The following C16orf78 variants were observed in gnomAD, a reference collection of about 807,000 sequenced individuals.
The protein encoded by C16orf78 is uncharacterized protein C16orf78.
In C16orf78, 19 loss-of-function variants were observed where a neutral mutation model predicts 27.3. The observed-to-expected ratio is 0.70, with a 90% CI of 0.49 to 1.02. C16orf78 has a LOEUF of 1.02. C16orf78 is among the 50% of genes least tolerant of loss of function. The pLI is 0.00. For synonymous variants in C16orf78, 130 were observed against 116.1 expected, an observed-to-expected ratio of 1.12 and a Z score of -0.77; for missense variants, 339 against 337.0, an observed-to-expected ratio of 1.01 and a Z score of -0.05.
chr16:49,388,003 G>T (rs1965369992), intron 3 of C16orf78, among the ~76,000 whole-genome samples: 1 of 152,066 alleles, frequency 6.6e-6, no homozygotes, highest in Admixed American at 6.5e-5. Context: ...CAAAAAACCA[G>T]GCCAGCTGTG....
intron 3 of C16orf78, among the ~76,000 whole-genome samples, chr16:49,390,352 C>T (rs1361774734): frequency 6.6e-6 from 1 of 152,136 alleles, no homozygotes; most frequent in Non-Finnish European, 1.5e-5. Context: ...CTCTTTCAGG[C>T]ACCCTGATTA....
At chr16:49,390,487 A>G (rs888249160) in intron 3 of C16orf78, among the ~76,000 whole-genome samples, 1 of 152,102 alleles carries the variant, frequency 6.6e-6, no homozygotes, top group Non-Finnish European at 1.5e-5. Flanking sequence ...TTCTTCTCCA[A>G]TACCTAATCT....
chr16:49,375,007 G>T (rs1965196302), intron 1 of C16orf78, among the ~76,000 whole-genome samples: 1 of 152,182 alleles, frequency 6.6e-6, no homozygotes, highest in South Asian at 2.1e-4. Context: ...GTTTACTGTG[G>T]TCAAGGCCCT....
At position 49,399,298 on chromosome 16, in the gene C16orf78, C is replaced by G; in HGVS notation, c.*20C>G. 6.2e-7 allele frequency: 1 copy of G among 1,612,540 alleles called. No homozygotes were observed. The highest frequency in any genetic ancestry group is 8.5e-7 in the Non-Finnish European group (1 of 1,179,302). ...CTCTAAATAGCTCCTCTCGCCACCA[C>G]CTTCAGGCTCCTTCTGTCATGGGAC... On this transcript the variant is annotated 3_prime_UTR_variant, in exon 5 of 5. Coordinates refer to ENST00000299191, the MANE Select transcript of C16orf78 (RefSeq NM_144602.4).
In C16orf78 at chr16:49,399,349, G is replaced by A. The variant is rs1965513483; in HGVS notation, c.*71G>A. ...CCTTCACCTCCAGATGCCATCCTCT[G>A]GCACACTACAAGTGGTCCTTCCAAC... On this transcript the variant is annotated 3_prime_UTR_variant, in exon 5 of 5. Coordinates refer to ENST00000299191, the MANE Select transcript of C16orf78 (RefSeq NM_144602.4). 4 of 1,563,062 alleles carry A rather than the reference G, an allele frequency of 2.6e-6. No homozygotes were observed. The highest frequency in any genetic ancestry group is 1.7e-5 in the Admixed American group (1 of 58,354).
Position 49,399,128 on chromosome 16 carries a change from CA to C in C16orf78, c.651-2del. ...CTGACCTCTTTTGCCTTCTCTTGAA[CA>C]GATACCTGAGGTTATCCAAGGAGAA... On this transcript the variant is annotated splice_acceptor_variant, in intron 4 of 4. Transcript: ENST00000299191. LOFTEE classifies it high-confidence loss of function. 1 of 1,613,780 alleles carries C rather than the reference CA, an allele frequency of 6.2e-7. No individual in the cohort carries two copies. The highest frequency in any genetic ancestry group is 8.5e-7 in the Non-Finnish European group (1 of 1,179,802).
Position 49,396,607 on chromosome 16 carries a change from C to T in C16orf78, c.579C>T (p.Leu193=), listed in dbSNP as rs147626517. The part of the protein sequence containing the change: ...DMAYERKLKS[L]MEKSTEPKME... ...CTTACGAACGCAAGCTAAAGAGCCT[C>T]ATGGAGAAAAGCACCGAACCTAAGA... Residue 193 remains leucine (L), a synonymous_variant, in exon 4 of 5, where the codon CTC becomes CTT. Transcript: ENST00000299191. The T allele has an allele frequency of 2.6e-4, 423 of 1,613,904 alleles. No homozygotes were observed. The highest frequency in any genetic ancestry group is 3.2e-4 in the Non-Finnish European group (380 of 1,180,048).
chr16:49,376,885 C>G (rs905909490), intron 1 of C16orf78, among the ~76,000 whole-genome samples: 1 of 152,156 alleles, frequency 6.6e-6, no homozygotes, highest in Non-Finnish European at 1.5e-5. Context: ...GCAGTCTGAC[C>G]TGGACACTGC....
At chr16:49,396,709 G>T in intron 4 of C16orf78, 31 bp downstream of exon 4, 2 of 1,594,736 alleles carry the variant, frequency 1.3e-6, no homozygotes, top group South Asian at 1.1e-5. Context: ...GGCAGATGGG[G>T]TGGGGTCCTG....
intron 3 of C16orf78, among the ~76,000 whole-genome samples, chr16:49,393,382 C>T (rs2151615616): frequency 6.6e-6 from 1 of 152,252 alleles, no homozygotes; most frequent in South Asian, 2.1e-4. Flanking sequence ...TTACAAAAAT[C>T]ACCTGTGTGC....
At chr16:49,376,092 G>A (rs2151609922) in intron 1 of C16orf78, among the ~76,000 whole-genome samples, 1 of 152,288 alleles carries the variant, frequency 6.6e-6, no homozygotes, top group East Asian at 1.9e-4. Context: ...GATGATGTGT[G>A]CTGGCAGGTC....
At chr16:49,389,381 G>A (rs909231135) in intron 3 of C16orf78, among the ~76,000 whole-genome samples, 7 of 151,456 alleles carry the variant, frequency 4.6e-5, no homozygotes, top group Admixed American at 6.6e-5. Flanking sequence ...AGCCGAGGTC[G>A]TGACATTGTA....
exon 5 of C16orf78, chr16:49,399,428 ATCATTGTGCT>A: frequency 1.1e-6 from 1 of 923,798 alleles, no homozygotes; most frequent in Non-Finnish European, 1.6e-6. Context: ...CGGCTGTGTG[ATCATTGTGCT>A]TCCGTAAGAC....
Position 49,399,164 on chromosome 16 carries a change from C to T in C16orf78, c.684C>T (p.Thr228=), listed in dbSNP as rs1965510677. 1 of 1,614,174 alleles carries T rather than the reference C, an allele frequency of 6.2e-7. No homozygotes were observed. The highest frequency in any genetic ancestry group is 8.5e-7 in the Non-Finnish European group (1 of 1,180,004). The stretch of plus-strand genomic sequence containing the variant: ...GGTTATCCAAGGAGAACATTCGGAC[C>T]TTGCTCAAGTTGTGCAAGGATGCAG... The part of the protein sequence containing the change: ...YLRLSKENIR[T]LLKLCKDAGM... The change falls in exon 5 of 5, where the codon ACC becomes ACT. Residue 228 remains threonine, a synonymous_variant. Coordinates refer to ENST00000299191, the MANE Select transcript of C16orf78 (RefSeq NM_144602.4).
chr16:49,380,248 C>T (rs1405885167), intron 3 of C16orf78, among the ~76,000 whole-genome samples: 1 of 152,192 alleles, frequency 6.6e-6, no homozygotes, highest in African/African-American at 2.4e-5. Context: ...TGGGACCTCA[C>T]CTTGTGATCA....
At chr16:49,392,227 C>T (rs1046208655) in intron 3 of C16orf78, among the ~76,000 whole-genome samples, 1 of 152,200 alleles carries the variant, frequency 6.6e-6, no homozygotes, top group Non-Finnish European at 1.5e-5. Context: ...AGCACATATG[C>T]ATTACTAAGA....
intron 3 of C16orf78, among the ~76,000 whole-genome samples, chr16:49,385,739 TA>T (rs145652912): frequency 0.012 from 1,743 of 147,548 alleles, 41 homozygotes; most frequent in African/African-American, 0.042. Flanking sequence ...GGAAAATAAA[TA>T]AAAACATACC....
chr16:49,373,991 T>C lies in C16orf78; in HGVS notation c.52T>C (p.Tyr18His), dbSNP rs753769717. Residue 18 changes from tyrosine (Y) to histidine (H), a missense_variant, in exon 1 of 5, where the codon TAC becomes CAC. Coordinates refer to ENST00000299191, the MANE Select transcript of C16orf78 (RefSeq NM_144602.4). ...LKDLMPTKRK[Y>H]MWKTAEDRRM... ...GGATTTAATGCCCACAAAGAGGAAA[T>C]ACATGTGGAAGACTGCTGAAGATAG... is the stretch of plus-strand genomic sequence containing the variant. 7.4e-6 allele frequency: 12 copies of C among 1,614,078 alleles called. No homozygotes were observed. The highest frequency in any genetic ancestry group is 1.0e-5 in the Non-Finnish European group (12 of 1,180,020).
chr16:49,393,701 G>T (rs1426096473), intron 3 of C16orf78, among the ~76,000 whole-genome samples: 6 of 151,848 alleles, frequency 4.0e-5, no homozygotes, highest in Admixed American at 1.3e-4. Context: ...GTAGAAGAAA[G>T]AATTACTATG....
Sources: allele counts gnomAD v4.1 joint callset (sites outside exome capture counted in the v4.1 genomes callset), GRCh38; gene constraint gnomAD v4.1.1; transcripts MANE v1.5; gene names NCBI Gene and HGNC (gene_info 2026-07-23, HGNC 2026-07-21).